STX8: variants seen among roughly 807,000 people sequenced by gnomAD.
STX8 encodes the protein syntaxin-8.
In STX8, 23 loss-of-function variants were observed where a neutral mutation model predicts 37.5. The observed-to-expected ratio is 0.61, with a 90% CI of 0.44 to 0.87. The LOEUF is 0.87. Ranked by LOEUF, STX8 falls within the 40% of genes least tolerant of loss-of-function variation. The pLI, the probability that STX8 is intolerant of heterozygous loss-of-function variation, is 0.00. For missense variants in STX8, 313 were observed against 284.7 expected (o/e 1.10, Z -0.71); for synonymous variants, 115 against 99.1 (o/e 1.16, Z -0.95).
intron 7 of STX8, among the ~76,000 whole-genome samples, chr17:9,362,073 G>A (rs917761643): frequency 6.6e-6 from 1 of 152,166 alleles, no homozygotes; most frequent in Non-Finnish European, 1.5e-5. Flanking sequence ...GCTCATGCCT[G>A]TAATCCCAGC....
intron 4 of STX8, among the ~76,000 whole-genome samples, chr17:9,540,248 T>C (rs1183771007): frequency 1.3e-5 from 2 of 152,226 alleles, no homozygotes; most frequent in Non-Finnish European, 2.9e-5. Context: ...GTCCACATGG[T>C]GCCATCTTCC....
intron 6 of STX8, among the ~76,000 whole-genome samples, chr17:9,427,123 G>C (rs891433394): frequency 1.3e-5 from 2 of 152,270 alleles, no homozygotes; most frequent in South Asian, 2.1e-4. Context: ...TTTGCAAAGA[G>C]AATGAATTCC....
chr17:9,358,428 G>A (rs559739284), intron 7 of STX8, among the ~76,000 whole-genome samples: 6 of 152,254 alleles, frequency 3.9e-5, no homozygotes, highest in African/African-American at 9.6e-5. Context: ...GTTCATTCAC[G>A]GTCTTCAACC....
intron 7 of STX8, among the ~76,000 whole-genome samples, chr17:9,353,686 G>C (rs1310650220): frequency 4.6e-5 from 7 of 152,104 alleles, no homozygotes; most frequent in African/African-American, 1.7e-4. Context: ...TAGAATTCAA[G>C]ATTTCTGCAA....
intron 7 of STX8, among the ~76,000 whole-genome samples, chr17:9,367,288 G>A (rs1911258779): frequency 6.6e-6 from 1 of 150,746 alleles, no homozygotes; most frequent in Non-Finnish European, 1.5e-5. Flanking sequence ...ACTTCCCATT[G>A]AGGATGTCAA....
At chr17:9,446,488 G>C (rs1024907136) in intron 6 of STX8, among the ~76,000 whole-genome samples, 1 of 152,190 alleles carries the variant, frequency 6.6e-6, no homozygotes, top group East Asian at 1.9e-4. Context: ...ATATAAAGAA[G>C]AAATTTAGCC....
intron 6 of STX8, among the ~76,000 whole-genome samples, chr17:9,389,136 T>C (rs916185222): frequency 2.6e-5 from 4 of 152,248 alleles, no homozygotes; most frequent in African/African-American, 9.6e-5. Context: ...TACTTTTTAA[T>C]AGACTTATAC....
chr17:9,425,605 T>G (rs1836065789), intron 6 of STX8, among the ~76,000 whole-genome samples: 1 of 152,184 alleles, frequency 6.6e-6, no homozygotes, highest in Admixed American at 6.5e-5. Flanking sequence ...GCAAACCATG[T>G]AAAAAATGTT....
At chr17:9,556,180 G>A (rs1028938685) in intron 3 of STX8, among the ~76,000 whole-genome samples, 1 of 152,092 alleles carries the variant, frequency 6.6e-6, no homozygotes, top group African/African-American at 2.4e-5. Context: ...TGTTACAATG[G>A]GGGAAAATAT....
chr17:9,558,773 A>C (rs1331331686), intron 2 of STX8, among the ~76,000 whole-genome samples: 1 of 151,950 alleles, frequency 6.6e-6, no homozygotes, highest in African/African-American at 2.4e-5. Context: ...CAGTGAGCCG[A>C]GATCGCGCCA....
rs575946450 is a variant in STX8, at chr17:9,330,437, C to T, written c.643+48115G>A. Among the ~76,000 whole-genome samples, 21 of 152,048 alleles carry T rather than the reference C, an allele frequency of 1.4e-4. No individual in the cohort carries two copies. The South Asian group carries it at 3.5e-3, about 26-fold the overall frequency. On this transcript the variant is annotated intron_variant, in intron 7 of 7. Coordinates refer to ENST00000306357, the MANE Select transcript of STX8 (RefSeq NM_004853.3). Reference sequence around the variant, plus strand: ...CTCTAACCACTCCCACCCCCCAACCCGGTCTACACACAAAGCCTCCGAGGA... The same window carrying T: ...CTCTAACCACTCCCACCCCCCAACCTGGTCTACACACAAAGCCTCCGAGGA...
At chr17:9,525,395 G>A (rs544759628) in intron 4 of STX8, among the ~76,000 whole-genome samples, 6 of 150,822 alleles carry the variant, frequency 4.0e-5, no homozygotes, top group Admixed American at 1.3e-4. Context: ...TGCCCAGGCT[G>A]GAGTGCAATG....
intron 6 of STX8, among the ~76,000 whole-genome samples, chr17:9,426,676 G>A (rs551012917): frequency 9.9e-5 from 15 of 152,048 alleles, no homozygotes; most frequent in East Asian, 5.8e-4. Flanking sequence ...TGGGAGGATC[G>A]CTTGAGCCTG....
chr17:9,280,722 G>C (rs1907852808), intron 7 of STX8, among the ~76,000 whole-genome samples: 1 of 152,176 alleles, frequency 6.6e-6, no homozygotes. Flanking sequence ...TCAGAGCTGT[G>C]TGCCTGTCAG....
chr17:9,264,318 T>G (rs1191028023), intron 7 of STX8, among the ~76,000 whole-genome samples: 1 of 152,190 alleles, frequency 6.6e-6, no homozygotes, highest in Non-Finnish European at 1.5e-5. Flanking sequence ...TCTTTTACCT[T>G]TTTTGAGACA....
chr17:9,526,656 G>C (rs1905583235), intron 4 of STX8, among the ~76,000 whole-genome samples: 1 of 152,288 alleles, frequency 6.6e-6, no homozygotes. Flanking sequence ...CTGATCAAGA[G>C]GTCAGGAAAT....
chr17:9,274,685 A>AATC (rs1351659928), intron 7 of STX8, among the ~76,000 whole-genome samples: 7 of 124,074 alleles, frequency 5.6e-5, no homozygotes, highest in Admixed American at 4.3e-4. Flanking sequence ...CAAAAATAAT[A>AATC]ATAATAATAA....
chr17:9,448,123 C>T (rs1210772650), intron 6 of STX8, among the ~76,000 whole-genome samples: 2 of 147,736 alleles, frequency 1.4e-5, no homozygotes, highest in South Asian at 2.1e-4. Flanking sequence ...TGCAGTGAGC[C>T]GAGATTGTGC....
At chr17:9,569,153 T>A (rs977018595) in intron 1 of STX8, among the ~76,000 whole-genome samples, 13 of 152,158 alleles carry the variant, frequency 8.5e-5, no homozygotes, top group Non-Finnish European at 1.5e-4. Flanking sequence ...TGAGAAAGCA[T>A]GTGGGGGGTC....
Sources: gnomAD v4.1 joint callset for allele counts (sites outside exome capture counted in the v4.1 genomes callset) on GRCh38, gnomAD v4.1.1 for gene constraint, MANE v1.5 for transcripts, NCBI Gene and HGNC (gene_info 2026-07-23, HGNC 2026-07-21) for gene names.